Variants in GMCL1 observed in about 807,000 individuals in gnomAD.
GMCL1 encodes the protein germ cell-less 1, spermatogenesis associated, also known as germ cell-less protein-like 1.
GMCL1 carries 54 observed loss-of-function variants against 75.5 expected under a neutral mutation model. The ratio of observed to expected loss-of-function variants is 0.71; its 90% CI spans 0.57 to 0.90. The LOEUF (loss-of-function observed/expected upper bound fraction) is 0.90. Ranked by LOEUF, GMCL1 falls within the 40% of genes least tolerant of loss-of-function variation. The pLI is 0.00. For synonymous variants in GMCL1, 210 were observed against 209.6 expected, an observed-to-expected ratio of 1.00 and a Z score of -0.02; for missense variants, 537 against 622.7, an observed-to-expected ratio of 0.86 and a Z score of 1.47.
chr2:69,868,938 A>AC lies in GMCL1; in HGVS notation c.1219-777dup, dbSNP rs556596348. On this transcript the variant is annotated intron_variant, in intron 11 of 13. Coordinates refer to ENST00000282570, the MANE Select transcript of GMCL1 (RefSeq NM_178439.5). Reference sequence around the variant, plus strand: ...AGACCAGCCTGGCCAACATAGTGAAACCCCGTCTCTACTCAAAATACAAAA... The same window carrying AC: ...AGACCAGCCTGGCCAACATAGTGAAACCCCCGTCTCTACTCAAAATACAAAA... 4.9e-5 allele frequency among the ~76,000 whole-genome samples: 7 copies of AC among 141,550 alleles called. No individual in the cohort carries two copies. In the South Asian group the frequency reaches 1.6e-3, roughly 32 times the overall value. The allele number at this position is 141,550 out of a possible 152,430, so 92.9% of individuals were successfully genotyped here.
chr2:69,844,819 G>A (rs1418249868), intron 6 of GMCL1: 3 of 364,230 alleles, frequency 8.2e-6, no homozygotes, highest in Admixed American at 2.6e-5. Flanking sequence ...AAGTTACCAT[G>A]GTTCTTCACC....
At chr2:69,868,853 C>T (rs1211415529) in intron 11 of GMCL1, among the ~76,000 whole-genome samples, 3 of 151,194 alleles carry the variant, frequency 2.0e-5, no homozygotes, top group Non-Finnish European at 4.4e-5. Flanking sequence ...CAGTGGCTCA[C>T]GCCTGTAATC....
chr2:69,869,970 G>C, intron 12 of GMCL1, 106 bp downstream of exon 12: 24 of 1,134,880 alleles, frequency 2.1e-5, no homozygotes, highest in Non-Finnish European at 3.0e-5. Context: ...GTAAGCTACA[G>C]TATATGTGGA....
chr2:69,844,243 G>C (rs991745045), intron 6 of GMCL1, 47 bp downstream of exon 6: 8 of 1,061,116 alleles, frequency 7.5e-6, no homozygotes, highest in Non-Finnish European at 1.1e-5. Context: ...CTAAAATATT[G>C]TTTATCATTT....
chr2:69,868,837 T>C (rs2104040971), intron 11 of GMCL1, among the ~76,000 whole-genome samples: 1 of 150,362 alleles, frequency 6.7e-6, no homozygotes, highest in African/African-American at 2.4e-5. Flanking sequence ...TTATTATTGC[T>C]GGGTGCAGTG....
At chr2:69,873,145 A>G (rs576059852) in intron 13 of GMCL1, among the ~76,000 whole-genome samples, 1 of 152,266 alleles carries the variant, frequency 6.6e-6, no homozygotes, top group South Asian at 2.1e-4. Context: ...CTCAGGGAAA[A>G]CATCCTCTCC....
chr2:69,843,979 T>A, intron 5 of GMCL1, 152 bp from the exon 6 acceptor site: 2 of 441,380 alleles, frequency 4.5e-6, no homozygotes, highest in South Asian at 1.0e-4. Context: ...TAATATCCAC[T>A]GACAAAAATA....
chr2:69,879,859 C>G lies in GMCL1; in HGVS notation c.*855C>G, dbSNP rs1362716237. The stretch of plus-strand genomic sequence containing the variant: ...ATAGTTTTAAACATTTTAATATTCT[C>G]TGATCTTTAGAATTATTTATGTTCA... On this transcript the variant is annotated 3_prime_UTR_variant, in exon 14 of 14. Transcript: ENST00000282570. The G allele has an allele frequency of 1.3e-5, 2 of 152,094 alleles. No homozygotes were observed. The highest frequency in any genetic ancestry group is 2.9e-5 in the Non-Finnish European group (2 of 67,990). The allele number at this position is 152,094 out of a possible 1,614,324, so 9.4% of individuals were successfully genotyped here.
intron 4 of GMCL1, among the ~76,000 whole-genome samples, chr2:69,841,872 T>C (rs183338684): frequency 2.6e-5 from 4 of 152,176 alleles, no homozygotes. Context: ...TGATGTGAAA[T>C]AATGGAGGAT....
intron 3 of GMCL1, 140 bp from the exon 4 acceptor site, chr2:69,840,802 G>A (rs552988732): frequency 1.0e-5 from 5 of 489,694 alleles, no homozygotes; most frequent in African/African-American, 2.0e-5. Context: ...TTTAATTAGA[G>A]ATACTTCTGT....
chr2:69,870,185 AAC>A (rs1675946606), intron 12 of GMCL1, among the ~76,000 whole-genome samples: 1 of 151,666 alleles, frequency 6.6e-6, no homozygotes, highest in Non-Finnish European at 1.5e-5. Flanking sequence ...TTTCCAGGAA[AAC>A]ACATATTATC....
At chr2:69,861,003 C>A (rs564469269) in intron 9 of GMCL1, among the ~76,000 whole-genome samples, 3 of 152,162 alleles carry the variant, frequency 2.0e-5, no homozygotes. Context: ...CCACCACACC[C>A]GGCTAATTTT....
chr2:69,866,919 C>A (rs1294087242), intron 11 of GMCL1, among the ~76,000 whole-genome samples: 1 of 151,758 alleles, frequency 6.6e-6, no homozygotes, highest in Non-Finnish European at 1.5e-5. Context: ...GGCCATAATT[C>A]ACTGAGTTCA....
chr2:69,845,118 C>G (rs1675099244), intron 6 of GMCL1, among the ~76,000 whole-genome samples: 1 of 152,178 alleles, frequency 6.6e-6, no homozygotes, highest in Admixed American at 6.5e-5. Context: ...AAATATCAAT[C>G]TTCCTTTAAA....
At chr2:69,841,167 G>A (rs2103958264) in intron 4 of GMCL1, 128 bp downstream of exon 4, 2 of 607,992 alleles carry the variant, frequency 3.3e-6, no homozygotes, top group Admixed American at 3.1e-5. Context: ...GTATAAATAT[G>A]ACATTTATTA....
At chr2:69,843,447 C>G (rs555160177) in intron 5 of GMCL1, among the ~76,000 whole-genome samples, 186 bp downstream of exon 5, 1 of 152,138 alleles carries the variant, frequency 6.6e-6, no homozygotes, top group Middle Eastern at 3.2e-3. Context: ...TCAAAAGTGT[C>G]GTCTTTGTAA....
Position 69,855,216 on chromosome 2 carries a change from C to G in GMCL1, c.1072+256C>G, listed in dbSNP as rs114827226. ...TCTAGTATTCTGTAATATGGATGTT[C>G]TTTAATTTAATAAACCAGTACATGA... is the stretch of plus-strand genomic sequence containing the variant. On this transcript the variant is annotated intron_variant, in intron 9 of 13. Coordinates refer to ENST00000282570, the MANE Select transcript of GMCL1 (RefSeq NM_178439.5). Among the ~76,000 whole-genome samples, 389 of 151,862 alleles carry G rather than the reference C, an allele frequency of 2.6e-3. 2 individuals carry two copies. The highest frequency in any genetic ancestry group is 9.0e-3 in the African/African-American group (374 of 41,450).
At chr2:69,836,296 AC>A (rs1230418242) in intron 1 of GMCL1, among the ~76,000 whole-genome samples, 1 of 152,072 alleles carries the variant, frequency 6.6e-6, no homozygotes, top group Non-Finnish European at 1.5e-5. Flanking sequence ...TGATGAGCCT[AC>A]CCTCACCTTT....
At chr2:69,851,365 G>A (rs893157143) in intron 8 of GMCL1, among the ~76,000 whole-genome samples, 9 of 152,090 alleles carry the variant, frequency 5.9e-5, no homozygotes, top group Admixed American at 2.6e-4. Context: ...TACTCCCAGC[G>A]CTTTGGGAGG....
Sources: gnomAD v4.1 joint callset for allele counts (sites outside exome capture counted in the v4.1 genomes callset) on GRCh38, gnomAD v4.1.1 for gene constraint, MANE v1.5 for transcripts, NCBI Gene and HGNC (gene_info 2026-07-23, HGNC 2026-07-21) for gene names.